NRG3: variants seen among roughly 807,000 people sequenced by gnomAD.
NRG3 encodes pro-neuregulin-3, membrane-bound isoform.
NRG3 carries 31 observed loss-of-function variants against 66.9 expected under a neutral mutation model. The ratio of observed to expected loss-of-function variants is 0.46; its 90% CI spans 0.35 to 0.63. The LOEUF (loss-of-function observed/expected upper bound fraction) is 0.63, where lower values mean the gene tolerates loss of function less well. NRG3 is among the 20% of genes least tolerant of loss of function. The pLI, the probability that NRG3 is intolerant of heterozygous loss-of-function variation, is 0.00. For missense variants in NRG3, 910 were observed against 878.9 expected (o/e 1.04, Z -0.45); for synonymous variants, 393 against 359.4 (o/e 1.09, Z -1.06).
At chr10:82,225,107 A>G (rs544859953) in intron 1 of NRG3, among the ~76,000 whole-genome samples, 1 of 152,254 alleles carries the variant, frequency 6.6e-6, no homozygotes, top group South Asian at 2.1e-4. Flanking sequence ...GAAGAAAAAA[A>G]TGCAATTATG....
At chr10:82,161,159 G>T (rs1237385875) in intron 1 of NRG3, among the ~76,000 whole-genome samples, 2 of 152,008 alleles carry the variant, frequency 1.3e-5, no homozygotes, top group African/African-American at 4.8e-5. Flanking sequence ...TTCAGGTGGG[G>T]ATGTCAAATA....
intron 1 of NRG3, among the ~76,000 whole-genome samples, chr10:82,182,205 T>A (rs1350674962): frequency 6.6e-6 from 1 of 151,534 alleles, no homozygotes; most frequent in African/African-American, 2.4e-5. Context: ...TCTGCCACTC[T>A]ATGTCTTCTG....
At chr10:82,864,140 A>G (rs2064294977) in intron 3 of NRG3, among the ~76,000 whole-genome samples, 1 of 152,036 alleles carries the variant, frequency 6.6e-6, no homozygotes, top group African/African-American at 2.4e-5. Context: ...AGAGTTTCTG[A>G]TTGGGGTGAT....
At chr10:82,432,140 A>G (rs1440351074) in intron 2 of NRG3, among the ~76,000 whole-genome samples, 1 of 152,206 alleles carries the variant, frequency 6.6e-6, no homozygotes, top group African/African-American at 2.4e-5. Flanking sequence ...TTTATTTAAT[A>G]AAAAGCTTCT....
rs536041012 is a variant in NRG3 at position 81,876,417 on chromosome 10, C to G, written c.823+254C>G. Among the ~76,000 whole-genome samples, 4 of 152,204 alleles carry G rather than the reference C, an allele frequency of 2.6e-5. No individual in the cohort carries two copies. The South Asian group carries it at 8.3e-4, about 32-fold the overall frequency. ...CCACTGGCCCCACTTTAGCGGGTCC[C>G]AAGTGAGAACAGATCTCCCAACTCC... On this transcript the variant is annotated intron_variant, in intron 1 of 8. Coordinates refer to ENST00000372141, the MANE Select transcript of NRG3 (RefSeq NM_001010848.4).
intron 2 of NRG3, among the ~76,000 whole-genome samples, chr10:82,367,301 G>T (rs1262728052): frequency 1.3e-5 from 2 of 152,128 alleles, no homozygotes; most frequent in Non-Finnish European, 2.9e-5. Flanking sequence ...AGATATTGTA[G>T]CTATGCAAAA....
In NRG3 at chr10:82,551,518, A is replaced by AT. The variant is rs1260901320; in HGVS notation, c.954-187052dup. ...CATTGGAAGCAAATTCCTTTTTGTG[A>AT]TTTTTTTCCTGAGTTGGTTATACAG... On this transcript the variant is annotated intron_variant, in intron 2 of 8. Transcript: ENST00000372141. 3.3e-5 allele frequency among the ~76,000 whole-genome samples: 5 copies of AT among 151,580 alleles called. No homozygotes were observed. The East Asian group carries it at 5.8e-4, about 18-fold the overall frequency.
chr10:82,301,686 C>CTATATATATATATATATATA (rs60882154), intron 1 of NRG3, among the ~76,000 whole-genome samples: 1,622 of 137,242 alleles, frequency 0.012, 23 homozygotes, highest in Non-Finnish European at 0.018. Flanking sequence ...ACATATATTC[C>CTATATATATATATATATATA]TATATATATA....
intron 1 of NRG3, among the ~76,000 whole-genome samples, chr10:82,260,726 G>T (rs1303054049): frequency 6.6e-6 from 1 of 152,122 alleles, no homozygotes; most frequent in African/African-American, 2.4e-5. Flanking sequence ...TATTAAAAAG[G>T]TAGTCTAAGC....
At chr10:82,083,586 C>G (rs2065521348) in intron 1 of NRG3, among the ~76,000 whole-genome samples, 1 of 136,474 alleles carries the variant, frequency 7.3e-6, no homozygotes, top group South Asian at 2.5e-4. Context: ...TCCTTTACAC[C>G]ATTTGTTAAT....
chr10:82,361,400 T>C (rs889446274), intron 2 of NRG3, among the ~76,000 whole-genome samples: 4 of 152,162 alleles, frequency 2.6e-5, no homozygotes, highest in African/African-American at 9.6e-5. Flanking sequence ...TATGAATAAA[T>C]CACACATCAC....
chr10:81,892,526 A>C (rs1280404958), intron 1 of NRG3, among the ~76,000 whole-genome samples: 2 of 152,128 alleles, frequency 1.3e-5, no homozygotes, highest in African/African-American at 2.4e-5. Context: ...GCCCTATTGT[A>C]AATATACCTC....
At chr10:82,211,530 G>A (rs1216502440) in intron 1 of NRG3, among the ~76,000 whole-genome samples, 1 of 152,098 alleles carries the variant, frequency 6.6e-6, no homozygotes, top group Non-Finnish European at 1.5e-5. Flanking sequence ...TCCAGAGGCT[G>A]AATAAGCGTG....
At chr10:82,484,604 G>A (rs1842537093) in intron 2 of NRG3, among the ~76,000 whole-genome samples, 1 of 152,168 alleles carries the variant, frequency 6.6e-6, no homozygotes, top group Non-Finnish European at 1.5e-5. Flanking sequence ...CAAATTCCCA[G>A]TTGTCACTTG....
intron 1 of NRG3, among the ~76,000 whole-genome samples, chr10:82,194,464 G>C (rs1170023797): frequency 8.5e-5 from 13 of 152,160 alleles, no homozygotes; most frequent in Admixed American, 7.9e-4. Flanking sequence ...TAAGCAAAGA[G>C]GCTGCCTCAG....
rs113009734 is a variant in NRG3, at chr10:82,776,754, G to A, written c.1027+38104G>A. On this transcript the variant is annotated intron_variant, in intron 3 of 8. Transcript: ENST00000372141. ...TTTCATTCACCACCTTCTTCAACTC[G>A]CGTATTTCTGTTTGGTCCTTTCTTA... is the stretch of plus-strand genomic sequence containing the variant. Among the ~76,000 whole-genome samples, 22 of 151,188 alleles carry A rather than the reference G, an allele frequency of 1.5e-4. No individual in the cohort carries two copies. In the South Asian group the frequency reaches 1.7e-3, roughly 12 times the overall value.
intron 4 of NRG3, among the ~76,000 whole-genome samples, chr10:82,949,263 ATTG>A (rs1849299753): frequency 6.6e-6 from 1 of 151,996 alleles, no homozygotes; most frequent in African/African-American, 2.4e-5. Context: ...CTTTTTATAT[ATTG>A]TTGTATTTTA....
chr10:82,820,093 A>G (rs1006272408), intron 3 of NRG3, among the ~76,000 whole-genome samples: 1 of 152,224 alleles, frequency 6.6e-6, no homozygotes, highest in Non-Finnish European at 1.5e-5. Context: ...TGAAAAGACT[A>G]ACAACTAAAA....
intron 2 of NRG3, among the ~76,000 whole-genome samples, chr10:82,407,439 C>T (rs2087607801): frequency 6.6e-6 from 1 of 152,092 alleles, no homozygotes; most frequent in South Asian, 2.1e-4. Flanking sequence ...CAAACCTCAA[C>T]TCTATCACTT....
Sources: gnomAD v4.1 joint callset for allele counts (sites outside exome capture counted in the v4.1 genomes callset) on GRCh38, gnomAD v4.1.1 for gene constraint, MANE v1.5 for transcripts, NCBI Gene and HGNC (gene_info 2026-07-23, HGNC 2026-07-21) for gene names.